Variants in AKR1A1 observed in about 807,000 individuals in gnomAD.
AKR1A1 encodes HEL-S-165mP.
A neutral mutation model predicts 39.2 loss-of-function variants in AKR1A1; 26 were observed. That is an observed-to-expected ratio of 0.66 (90% CI 0.49 to 0.92). The LOEUF (loss-of-function observed/expected upper bound fraction) is 0.92. Among genes scored for constraint, AKR1A1 ranks in the 40% least tolerant of loss-of-function variants. The pLI is 0.00. For synonymous variants in AKR1A1, 141 were observed against 155.5 expected, an observed-to-expected ratio of 0.91 and a Z score of 0.69; for missense variants, 378 against 406.5, an observed-to-expected ratio of 0.93 and a Z score of 0.60.
intron 1 of AKR1A1, among the ~76,000 whole-genome samples, chr1:45,556,850 C>T (rs2148292143): frequency 6.6e-6 from 1 of 151,580 alleles, no homozygotes; most frequent in Middle Eastern, 3.4e-3. Flanking sequence ...GCCCTCCAGC[C>T]TGGGCAAGAA....
At chr1:45,554,477 C>T (rs1644174685) in intron 1 of AKR1A1, among the ~76,000 whole-genome samples, 2 of 151,842 alleles carry the variant, frequency 1.3e-5, no homozygotes, top group Admixed American at 1.3e-4. Context: ...TGCCTGTAGT[C>T]CCAGCTACTC....
At chr1:45,567,345 C>T (rs771567584) in intron 4 of AKR1A1, 4 of 267,168 alleles carry the variant, frequency 1.5e-5, no homozygotes, top group Admixed American at 4.9e-5. Flanking sequence ...TAAGTCTCAG[C>T]AGAAGATGTG....
chr1:45,568,955 A>G lies in AKR1A1; in HGVS notation c.781A>G (p.Ile261Val). ...RWQVQRKVIC[I>V]PKSITPSRIL... ...GCAGGTCCAGCGGAAAGTGATCTGC[A>G]TCCCCAAAAGTATCACTCCTTCTCG... Residue 261 changes from isoleucine (I) to valine (V), a missense_variant, in exon 7 of 9, where the codon ATC becomes GTC. Transcript: ENST00000351829. 6.2e-7 allele frequency: 1 copy of G among 1,614,224 alleles called. No homozygotes were observed. Among genetic ancestry groups the G allele is most frequent in the Non-Finnish European group, 8.5e-7 (1 of 1,180,040 alleles).
intron 1 of AKR1A1, among the ~76,000 whole-genome samples, chr1:45,555,482 T>C (rs528668673): frequency 6.6e-6 from 1 of 151,602 alleles, no homozygotes; most frequent in Non-Finnish European, 1.5e-5. Flanking sequence ...AGTGAAACTG[T>C]GTCTAAAAAA....
At position 45,569,454 on chromosome 1, in the gene AKR1A1, C is replaced by G. The variant is rs115431970; in HGVS notation, c.912+225C>G. ...GAGTCCCAGTCCTGCTTCTTGATAT[C>G]TTGTAACCTAGAGCAAGTTATTAAA... On this transcript the variant is annotated intron_variant, in intron 8 of 8. Transcript: ENST00000351829. Among the ~76,000 whole-genome samples the G allele has an allele frequency of 1.3e-3, 191 of 152,242 alleles. 2 individuals are homozygous for G. Among genetic ancestry groups the G allele is most frequent in the African/African-American group, 4.4e-3 (182 of 41,542 alleles).
chr1:45,567,108 G>A, intron 4 of AKR1A1, 88 bp downstream of exon 4: 1 of 1,515,618 alleles, frequency 6.6e-7, no homozygotes, highest in Non-Finnish European at 8.9e-7. Context: ...CAGCAGAGCA[G>A]GATAGGAACA....
intron 2 of AKR1A1, among the ~76,000 whole-genome samples, chr1:45,563,624 T>C (rs1289148872): frequency 6.6e-6 from 1 of 151,484 alleles, no homozygotes; most frequent in Non-Finnish European, 1.5e-5. Context: ...ACCTCATCTC[T>C]ACTAAAAATG....
In AKR1A1 at chr1:45,568,699, TAGGGAGA is replaced by T; in HGVS notation, c.752+16_752+22del. 6.2e-7 allele frequency: 1 copy of T among 1,612,854 alleles called. No homozygotes were observed. The highest frequency in any genetic ancestry group is 8.5e-7 in the Non-Finnish European group (1 of 1,179,754). The stretch of plus-strand genomic sequence containing the variant: ...ATCTTGCTCAGGTATGGGGCAGTCT[TAGGGAGA>T]GGGCCCTGGGTTGGGAGGCAAGGGT... On this transcript the variant is annotated intron_variant, in intron 6 of 8. Transcript: ENST00000351829.
intron 2 of AKR1A1, among the ~76,000 whole-genome samples, chr1:45,564,396 T>C (rs1644314071): frequency 6.6e-6 from 1 of 152,158 alleles, no homozygotes. Flanking sequence ...GCTTTGTGTC[T>C]AGGGCCGGGT....
chr1:45,561,372 G>A (rs1644275167), intron 1 of AKR1A1, among the ~76,000 whole-genome samples: 1 of 151,772 alleles, frequency 6.6e-6, no homozygotes, highest in African/African-American at 2.4e-5. Flanking sequence ...ATAACCACGT[G>A]TTTGTCCTAC....
Position 45,566,741 on chromosome 1 carries a change from G to A in AKR1A1, c.204+53G>A, listed in dbSNP as rs2148303687. On this transcript the variant is annotated intron_variant, in intron 3 of 8. Coordinates refer to ENST00000351829, the MANE Select transcript of AKR1A1 (RefSeq NM_153326.3). ...GGGATAAGAGAACTTAGAAGCTGAA[G>A]CTAGGGCTGGGGCCCAGCTGGAGGG... The A allele has an allele frequency of 3.7e-6, 6 of 1,606,716 alleles. No individual in the cohort carries two copies. In the South Asian group the frequency reaches 4.4e-5, roughly 12 times the overall value.
rs201059302 is a variant in AKR1A1 at position 45,562,571 on chromosome 1, G to A, written c.84+693G>A. Among the ~76,000 whole-genome samples the A allele has an allele frequency of 2.4e-4, 36 of 151,128 alleles. No homozygotes were observed. In the East Asian group the frequency reaches 6.3e-3, roughly 26 times the overall value. On this transcript the variant is annotated intron_variant, in intron 2 of 8. Coordinates refer to ENST00000351829, the MANE Select transcript of AKR1A1 (RefSeq NM_153326.3). ...GTTCCCCAGGCTGGAGTGCAGTGGC[G>A]TGATCTTGGCTCACTGCAACCTCTG...
chr1:45,554,511 C>T (rs536591052), intron 1 of AKR1A1, among the ~76,000 whole-genome samples: 7 of 151,432 alleles, frequency 4.6e-5, no homozygotes, highest in South Asian at 2.1e-4. Context: ...TCCAGGAGTT[C>T]GAAGCTGCAA....
Position 45,568,970 on chromosome 1 carries a change from A to C in AKR1A1, c.796A>C (p.Thr266Pro), listed in dbSNP as rs1318503868. 1 of 1,613,808 alleles carries C rather than the reference A, an allele frequency of 6.2e-7. No homozygotes were observed. The highest frequency in any genetic ancestry group is 1.3e-5 in the African/African-American group (1 of 74,808). The part of the protein sequence containing the change: ...RKVICIPKSI[T>P]PSRILQNIKV... ...AGTGATCTGCATCCCCAAAAGTATC[A>C]CTCCTTCTCGAATCCTTCAGAACAT... The change falls in exon 7 of 9, where the codon ACT becomes CCT. Residue 266 changes from threonine to proline, a missense_variant. By Grantham distance (38) the Thr-to-Pro change is conservative. Coordinates refer to ENST00000351829, the MANE Select transcript of AKR1A1 (RefSeq NM_153326.3).
At chr1:45,553,670 T>G (rs565742468) in intron 1 of AKR1A1, among the ~76,000 whole-genome samples, 18 of 152,070 alleles carry the variant, frequency 1.2e-4, no homozygotes, top group African/African-American at 4.1e-4. Context: ...ATTACATATG[T>G]AAGGTGATTT....
chr1:45,554,026 G>A (rs965535234), intron 1 of AKR1A1, among the ~76,000 whole-genome samples: 1 of 151,826 alleles, frequency 6.6e-6, no homozygotes, highest in African/African-American at 2.4e-5. Flanking sequence ...AGAAAGCCAG[G>A]TGTGGTGGCT....
At chr1:45,560,484 C>T (rs1245776829) in intron 1 of AKR1A1, among the ~76,000 whole-genome samples, 1 of 152,128 alleles carries the variant, frequency 6.6e-6, no homozygotes, top group African/African-American at 2.4e-5. Context: ...CTGGCACAGG[C>T]CTGTAGTCCC....
rs1309501572 is a variant in AKR1A1 at position 45,550,874 on chromosome 1, G to C, written c.-288G>C. ...CAGGAGTTCTCCAAACCCGCGCTGCGGAGTGAGTGACCAAGTTCCGGCCAG... is the reference window on the plus strand; with the variant it reads ...CAGGAGTTCTCCAAACCCGCGCTGCCGAGTGAGTGACCAAGTTCCGGCCAG... On this transcript the variant is annotated 5_prime_UTR_variant, in exon 1 of 9. Coordinates refer to ENST00000351829, the MANE Select transcript of AKR1A1 (RefSeq NM_153326.3). 2.0e-5 allele frequency: 3 copies of C among 152,410 alleles called. No homozygotes were observed. The highest frequency in any genetic ancestry group is 4.4e-5 in the Non-Finnish European group (3 of 68,186). 9.4% of individuals were successfully genotyped at this position (152,410 alleles called of 1,614,324 possible). A position where few individuals can be genotyped will look rare whatever the true frequency, so the allele number is the denominator to read the frequency against.
In AKR1A1 at chr1:45,568,701, G is replaced by A; in HGVS notation, c.752+17G>A. On this transcript the variant is annotated intron_variant, in intron 6 of 8. Transcript: ENST00000351829. ...CTTGCTCAGGTATGGGGCAGTCTTAGGGAGAGGGCCCTGGGTTGGGAGGCA... is the reference window on the plus strand; with the variant it reads ...CTTGCTCAGGTATGGGGCAGTCTTAAGGAGAGGGCCCTGGGTTGGGAGGCA... 2 of 1,612,820 alleles carry A rather than the reference G, an allele frequency of 1.2e-6. No homozygotes were observed. The highest frequency in any genetic ancestry group is 1.7e-6 in the Non-Finnish European group (2 of 1,179,742).
Sources: gnomAD v4.1 joint callset for allele counts (sites outside exome capture counted in the v4.1 genomes callset) on GRCh38, gnomAD v4.1.1 for gene constraint, MANE v1.5 for transcripts, NCBI Gene and HGNC (gene_info 2026-07-23, HGNC 2026-07-21) for gene names.